BMAL2: variants seen among roughly 807,000 people sequenced by gnomAD.
The protein encoded by BMAL2 is basic helix-loop-helix ARNT like 2, also known as basic helix-loop-helix ARNT-like protein 2.
chr12:27,368,090 G>A, the BMAL2 span, among the ~76,000 whole-genome samples: 5,967 of 151,800 alleles, frequency 0.039, 131 homozygotes, highest in Middle Eastern at 0.088. Flanking sequence ...TGATCCACCC[G>A]CCTCAGCCTT....
chr12:27,424,249 A>C, the BMAL2 span: 7 of 152,232 alleles, frequency 4.6e-5, no homozygotes, highest in African/African-American at 1.7e-4. Flanking sequence ...ATTTTTCCTT[A>C]AATACCATGT....
At chr12:27,372,074 C>CA in the BMAL2 span, among the ~76,000 whole-genome samples, 1 of 151,940 alleles carries the variant, frequency 6.6e-6, no homozygotes, top group Admixed American at 6.5e-5. Flanking sequence ...ACTAAAAATA[C>CA]AAAAAAATTA....
the BMAL2 span, among the ~76,000 whole-genome samples, chr12:27,345,285 T>A: frequency 6.6e-6 from 1 of 152,224 alleles, no homozygotes; most frequent in East Asian, 1.9e-4. Flanking sequence ...GGCATTGAAA[T>A]TCATTCTAGG....
the BMAL2 span, among the ~76,000 whole-genome samples, chr12:27,378,619 G>T: frequency 6.6e-6 from 1 of 152,198 alleles, no homozygotes; most frequent in Non-Finnish European, 1.5e-5. Flanking sequence ...GCAGATCAGG[G>T]AGAACCCTGG....
the BMAL2 span, chr12:27,333,040 C>T: frequency 7.5e-6 from 9 of 1,195,434 alleles, no homozygotes; most frequent in Non-Finnish European, 9.3e-6. Context: ...CTGCCAGCCG[C>T]GGGGCTGCGG....
the BMAL2 span, among the ~76,000 whole-genome samples, chr12:27,368,792 C>T: frequency 6.6e-6 from 1 of 152,194 alleles, no homozygotes; most frequent in Non-Finnish European, 1.5e-5. Context: ...TATAGAATAA[C>T]CAACCCTTGG....
the BMAL2 span, chr12:27,422,707 CCT>C: frequency 2.6e-5 from 4 of 152,188 alleles, no homozygotes; most frequent in Admixed American, 6.5e-5. Flanking sequence ...TGAAAGATCC[CCT>C]GTGTTCTCTA....
the BMAL2 span, among the ~76,000 whole-genome samples, chr12:27,343,859 G>A: frequency 4.6e-5 from 7 of 152,134 alleles, no homozygotes; most frequent in African/African-American, 1.7e-4. Context: ...ATTACATTCT[G>A]CATCACAAAT....
the BMAL2 span, among the ~76,000 whole-genome samples, chr12:27,359,527 A>T: frequency 1.3e-5 from 2 of 152,044 alleles, no homozygotes; most frequent in East Asian, 1.9e-4. Context: ...AATTTTTTTT[A>T]AAAAATCAAA....
At chr12:27,367,767 A>ATATATATATAATGTGTG in the BMAL2 span, among the ~76,000 whole-genome samples, 2 of 151,062 alleles carry the variant, frequency 1.3e-5, no homozygotes, top group East Asian at 3.8e-4. Context: ...AAATGTGTCT[A>ATATATATATAATGTGTG]TATATATATA....
At chr12:27,402,988 GTTCT>G in the BMAL2 span, among the ~76,000 whole-genome samples, 2 of 152,170 alleles carry the variant, frequency 1.3e-5, no homozygotes, top group African/African-American at 2.4e-5. Context: ...CCAGTAGACA[GTTCT>G]TTAAGGCAGG....
the BMAL2 span, among the ~76,000 whole-genome samples, chr12:27,364,117 G>A: frequency 6.6e-6 from 1 of 152,106 alleles, no homozygotes; most frequent in Non-Finnish European, 1.5e-5. Context: ...AGGAATGGAC[G>A]GGACAAACTT....
the BMAL2 span, among the ~76,000 whole-genome samples, chr12:27,379,516 G>A: frequency 1.3e-5 from 2 of 152,106 alleles, no homozygotes; most frequent in South Asian, 2.1e-4. Flanking sequence ...GGACTGAACC[G>A]AGCAGGGAGA....
the BMAL2 span, chr12:27,400,390 A>T: frequency 1.2e-5 from 8 of 656,630 alleles, no homozygotes; most frequent in East Asian, 1.8e-4. Flanking sequence ...TATCTTTTCA[A>T]TGGAATACCA....
chr12:27,402,482 GTGATACTAACAATA>G, the BMAL2 span: 1 of 628,916 alleles, frequency 1.6e-6, no homozygotes, highest in South Asian at 2.4e-5. Context: ...ATTTCTGGTG[GTGATACTAACAATA>G]TGTGTATATA....
At chr12:27,408,181 C>T in the BMAL2 span, among the ~76,000 whole-genome samples, 859 of 152,212 alleles carry the variant, frequency 5.6e-3, 11 homozygotes, top group African/African-American at 0.019. Flanking sequence ...GGAGCTGGTA[C>T]CATTCCTTCT....
At chr12:27,369,291 T>G in the BMAL2 span, among the ~76,000 whole-genome samples, 1 of 142,828 alleles carries the variant, frequency 7.0e-6, no homozygotes, top group Non-Finnish European at 1.5e-5. Context: ...TTTTTTTTTC[T>G]TTTTTGGTGG....
chr12:27,354,108 A>C, the BMAL2 span, among the ~76,000 whole-genome samples: 1 of 152,202 alleles, frequency 6.6e-6, no homozygotes, highest in Non-Finnish European at 1.5e-5. Context: ...CCAAAAAGAC[A>C]TATGCATTCA....
chr12:27,357,784 T>C, the BMAL2 span, among the ~76,000 whole-genome samples: 174 of 152,278 alleles, frequency 1.1e-3, 2 homozygotes, highest in East Asian at 0.032. Flanking sequence ...TTTAAACAAA[T>C]GGTGCTGATA....
Sources: allele counts gnomAD v4.1 joint callset (sites outside exome capture counted in the v4.1 genomes callset), GRCh38; gene constraint gnomAD v4.1.1; transcripts MANE v1.5; gene names NCBI Gene and HGNC (gene_info 2026-07-23, HGNC 2026-07-21).